The following NRXN3 variants were observed in gnomAD, a reference collection of about 807,000 sequenced individuals.
NRXN3 encodes neurexin 3.
In NRXN3, 32 loss-of-function variants were observed where a neutral mutation model predicts 137.6. That is an observed-to-expected ratio of 0.23 (90% CI 0.18 to 0.31). The LOEUF is 0.31. Ranked by LOEUF, NRXN3 falls within the 10% of genes least tolerant of loss-of-function variation. The pLI is 1.00. For synonymous variants in NRXN3, 798 were observed against 784.5 expected (o/e 1.02, Z -0.29); for missense variants, 1,574 against 2,062.5 (o/e 0.76, Z 4.59).
rs546499977 is a variant in NRXN3 at position 78,340,838 on chromosome 14, G to T, written c.757+42978G>T. On this transcript the variant is annotated intron_variant, in intron 4 of 20. Transcript: ENST00000335750. Reference sequence around the variant, plus strand: ...TAGATGATATCTCTTGATTTGATGGGTGGTGTGATTGGCAGCCACATTCGA... The same window carrying T: ...TAGATGATATCTCTTGATTTGATGGTTGGTGTGATTGGCAGCCACATTCGA... 2.6e-5 allele frequency among the ~76,000 whole-genome samples: 4 copies of T among 152,294 alleles called. No homozygotes were observed. The South Asian group carries it at 8.3e-4, about 32-fold the overall frequency.
At chr14:79,088,404 T>C (rs1251250505) in intron 15 of NRXN3, among the ~76,000 whole-genome samples, 2 of 149,760 alleles carry the variant, frequency 1.3e-5, no homozygotes, top group Non-Finnish European at 2.9e-5. Flanking sequence ...AACATCATTC[T>C]AAACTTAGCC....
intron 10 of NRXN3, among the ~76,000 whole-genome samples, chr14:78,872,582 T>G (rs2099104193): frequency 6.6e-6 from 1 of 152,048 alleles, no homozygotes; most frequent in African/African-American, 2.4e-5. Context: ...ATAATAAAAC[T>G]CTAACAAACC....
At chr14:79,406,072 T>A (rs1301303198) in intron 15 of NRXN3, among the ~76,000 whole-genome samples, 3 of 152,102 alleles carry the variant, frequency 2.0e-5, no homozygotes, top group Non-Finnish European at 4.4e-5. Context: ...AAGTACAGAA[T>A]GTTTTGAAAA....
intron 15 of NRXN3, among the ~76,000 whole-genome samples, chr14:79,349,545 T>TAC (rs71131694): frequency 0.046 from 6,350 of 137,596 alleles, 133 homozygotes; most frequent in Middle Eastern, 0.086. Context: ...GAAAAAAAAA[T>TAC]ACACACACAC....
intron 19 of NRXN3, among the ~76,000 whole-genome samples, chr14:79,767,320 G>T (rs898284172): frequency 6.6e-6 from 1 of 152,254 alleles, no homozygotes; most frequent in East Asian, 1.9e-4. Flanking sequence ...TGCATGTGCT[G>T]TTTATATGAA....
chr14:79,202,340 T>A (rs532655627), intron 15 of NRXN3, among the ~76,000 whole-genome samples: 1 of 152,128 alleles, frequency 6.6e-6, no homozygotes, highest in Non-Finnish European at 1.5e-5. Context: ...AATAGGCATA[T>A]CCTTGTTTTG....
At chr14:78,655,601 T>A (rs1253695678) in intron 6 of NRXN3, among the ~76,000 whole-genome samples, 4 of 152,090 alleles carry the variant, frequency 2.6e-5, no homozygotes, top group Non-Finnish European at 1.5e-5. Context: ...AGAACAGAGG[T>A]CCTATTTGCT....
chr14:78,250,687 G>A (rs1245910731), intron 2 of NRXN3, among the ~76,000 whole-genome samples: 3 of 152,228 alleles, frequency 2.0e-5, no homozygotes, highest in African/African-American at 7.2e-5. Flanking sequence ...CCCAGACCCT[G>A]AACGTGTCAT....
chr14:78,416,266 C>A (rs2093131834), intron 4 of NRXN3, among the ~76,000 whole-genome samples: 1 of 152,124 alleles, frequency 6.6e-6, no homozygotes. Flanking sequence ...CAGACATTTA[C>A]CATGATGACT....
intron 10 of NRXN3, among the ~76,000 whole-genome samples, chr14:78,871,953 T>A (rs1030704328): frequency 6.6e-6 from 1 of 152,016 alleles, no homozygotes; most frequent in Non-Finnish European, 1.5e-5. Flanking sequence ...CATATAAATG[T>A]GTAAAAACAT....
At chr14:78,746,283 G>A (rs932446097) in intron 8 of NRXN3, among the ~76,000 whole-genome samples, 12 of 152,162 alleles carry the variant, frequency 7.9e-5, no homozygotes, top group Non-Finnish European at 1.6e-4. Flanking sequence ...GGCTGGTGGC[G>A]TCATCTCAGA....
intron 15 of NRXN3, among the ~76,000 whole-genome samples, chr14:79,027,454 G>A (rs1480346283): frequency 6.6e-6 from 1 of 152,122 alleles, no homozygotes; most frequent in Non-Finnish European, 1.5e-5. Context: ...ATGGCTTGGG[G>A]ATGCAGAATT....
chr14:78,248,019 T>TGTCACATATCACTCATGCC (rs2067949962), intron 2 of NRXN3, among the ~76,000 whole-genome samples: 1 of 152,186 alleles, frequency 6.6e-6, no homozygotes, highest in Non-Finnish European at 1.5e-5. Flanking sequence ...AATCTACCTA[T>TGTCACATATCACTCATGCC]GTCACATATC....
At chr14:79,823,606 G>A (rs146422270) in intron 20 of NRXN3, among the ~76,000 whole-genome samples, 1 of 152,048 alleles carries the variant, frequency 6.6e-6, no homozygotes, top group African/African-American at 2.4e-5. Flanking sequence ...AACAAAAATC[G>A]ATGCAGAGCA....
intron 15 of NRXN3, among the ~76,000 whole-genome samples, chr14:79,442,349 T>C (rs1795974552): frequency 6.6e-6 from 1 of 152,194 alleles, no homozygotes; most frequent in Admixed American, 6.5e-5. Flanking sequence ...CTTTAAGTAA[T>C]GTTCATGGGG....
intron 4 of NRXN3, among the ~76,000 whole-genome samples, chr14:78,395,815 TTTGA>T (rs535538814): frequency 3.3e-5 from 5 of 152,042 alleles, no homozygotes; most frequent in Non-Finnish European, 7.4e-5. Context: ...CCTGATTTCT[TTTGA>T]TTATCTTTGT....
rs17109019 is a variant in NRXN3, at chr14:79,277,874, G to A, written c.3263-189347G>A. ...GGTGACTGTGTGCATCATTTACTACGGGCAGCTTGAAGCTTTTGGAGGACA... is the reference window on the plus strand; with the variant it reads ...GGTGACTGTGTGCATCATTTACTACAGGCAGCTTGAAGCTTTTGGAGGACA... On this transcript the variant is annotated intron_variant, in intron 15 of 20. Transcript: ENST00000335750. Among the ~76,000 whole-genome samples the A allele has an allele frequency of 7.2e-5, 11 of 152,260 alleles. No homozygotes were observed. In the East Asian group the frequency reaches 9.7e-4, roughly 13 times the overall value.
intron 16 of NRXN3, among the ~76,000 whole-genome samples, chr14:79,571,566 G>A (rs1021208028): frequency 6.6e-6 from 1 of 152,146 alleles, no homozygotes; most frequent in Non-Finnish European, 1.5e-5. Context: ...GAATGCCTGG[G>A]CCTTTGGCTT....
At chr14:79,233,806 T>C (rs188274545) in intron 15 of NRXN3, among the ~76,000 whole-genome samples, 2 of 151,980 alleles carry the variant, frequency 1.3e-5, no homozygotes, top group Non-Finnish European at 2.9e-5. Flanking sequence ...TAATTAAGAG[T>C]AACAATTAAG....
Sources: allele counts gnomAD v4.1 joint callset (sites outside exome capture counted in the v4.1 genomes callset), GRCh38; gene constraint gnomAD v4.1.1; transcripts MANE v1.5; gene names NCBI Gene and HGNC (gene_info 2026-07-23, HGNC 2026-07-21).